Variants in DRC9 observed in about 807,000 individuals in gnomAD.
DRC9 encodes dynein regulatory complex subunit 9.
the DRC9 span, among the ~76,000 whole-genome samples, chr3:197,941,124 G>GTCTT: frequency 6.0e-5 from 9 of 151,054 alleles, no homozygotes; most frequent in Middle Eastern, 3.4e-3. Context: ...CCATTTGTTT[G>GTCTT]TCCTTCCTTC....
chr3:197,914,000 C>T, the DRC9 span: 4 of 1,614,162 alleles, frequency 2.5e-6, no homozygotes, highest in Admixed American at 6.7e-5. Flanking sequence ...GCCTTCATCT[C>T]TTGCAGTTGG....
At chr3:197,945,127 G>T in the DRC9 span, among the ~76,000 whole-genome samples, 4 of 152,158 alleles carry the variant, frequency 2.6e-5, no homozygotes, top group Non-Finnish European at 5.9e-5. Context: ...TAACCAGAAG[G>T]TTACGGTGGG....
At chr3:197,941,301 TCC>T in the DRC9 span, among the ~76,000 whole-genome samples, 1 of 99,908 alleles carries the variant, frequency 1.0e-5, no homozygotes, top group African/African-American at 5.1e-5. Context: ...TTTCTTTTCC[TCC>T]CTCCTTCCCT....
the DRC9 span, among the ~76,000 whole-genome samples, chr3:197,895,530 T>G: frequency 2.6e-5 from 4 of 152,196 alleles, no homozygotes; most frequent in African/African-American, 9.6e-5. Context: ...CCTCCCAAAT[T>G]GCTGGGATTA....
the DRC9 span, among the ~76,000 whole-genome samples, chr3:197,900,219 C>T: frequency 1.3e-5 from 2 of 152,206 alleles, no homozygotes; most frequent in South Asian, 2.1e-4. This position sits in a 1 kb window ranked among gnomAD's most constrained non-coding sequence, Gnocchi z 4.7. Context: ...CCCTCTACAA[C>T]CCTTACGCAA....
chr3:197,960,171 C>T, the DRC9 span: 1 of 1,504,960 alleles, frequency 6.6e-7, no homozygotes, highest in Non-Finnish European at 9.0e-7. Context: ...TCCGTCTACC[C>T]CCAGCGGCGA....
At chr3:197,895,997 A>C in the DRC9 span, among the ~76,000 whole-genome samples, 100 of 142,106 alleles carry the variant, frequency 7.0e-4, 3 homozygotes, top group East Asian at 0.013. Flanking sequence ...AAAAAAATTA[A>C]GTAATTACTG....
the DRC9 span, among the ~76,000 whole-genome samples, chr3:197,892,365 C>A: frequency 6.6e-6 from 1 of 152,212 alleles, no homozygotes; most frequent in Non-Finnish European, 1.5e-5. Context: ...GTAGGCACTA[C>A]GTAAGTTAGC....
the DRC9 span, chr3:197,960,092 ATCT>A: frequency 5.3e-6 from 4 of 759,516 alleles, no homozygotes; most frequent in African/African-American, 3.5e-5. Flanking sequence ...CGCCGCCCTC[ATCT>A]TCTGCGGCGA....
At chr3:197,913,037 A>C in the DRC9 span, 3,204 of 350,896 alleles carry the variant, frequency 9.1e-3, 97 homozygotes, top group African/African-American at 0.062. Flanking sequence ...TGTGGGGCTT[A>C]AAAAGGGGGA....
the DRC9 span, among the ~76,000 whole-genome samples, chr3:197,897,086 A>G: frequency 6.6e-6 from 1 of 152,218 alleles, no homozygotes; most frequent in Non-Finnish European, 1.5e-5. Flanking sequence ...ATCTTTTTAA[A>G]AAGTTAATGA....
At chr3:197,901,332 T>C in the DRC9 span, among the ~76,000 whole-genome samples, 2 of 152,160 alleles carry the variant, frequency 1.3e-5, no homozygotes, top group Non-Finnish European at 2.9e-5. The surrounding 1 kb of genome is among the most constrained non-coding windows in gnomAD (Gnocchi z 4.4). Flanking sequence ...GAGACCAGGT[T>C]TCACCATGTT....
chr3:197,894,577 G>C, the DRC9 span: 2 of 152,152 alleles, frequency 1.3e-5, no homozygotes, highest in Non-Finnish European at 2.9e-5. Context: ...TCCTGCGCAA[G>C]AGTGACACAC....
the DRC9 span, chr3:197,889,454 C>G: frequency 9.1e-7 from 1 of 1,099,784 alleles, no homozygotes; most frequent in Non-Finnish European, 1.3e-6. Flanking sequence ...ATCAGGCTTC[C>G]CTGGGAAAGT....
the DRC9 span, chr3:197,892,506 G>A: frequency 8.1e-7 from 1 of 1,232,834 alleles, no homozygotes; most frequent in Non-Finnish European, 1.1e-6. Flanking sequence ...CTTCCTCGGT[G>A]AGCACCCTGA....
At chr3:197,891,864 A>G in the DRC9 span, among the ~76,000 whole-genome samples, 2 of 152,150 alleles carry the variant, frequency 1.3e-5, no homozygotes, top group Non-Finnish European at 2.9e-5. Flanking sequence ...ATGTACATAC[A>G]CAAGTAGTCA....
At chr3:197,946,242 T>C in the DRC9 span, among the ~76,000 whole-genome samples, 15 of 152,090 alleles carry the variant, frequency 9.9e-5, no homozygotes, top group Admixed American at 3.9e-4. Flanking sequence ...GAGACCATCC[T>C]GGCTAACACG....
chr3:197,889,581 C>G, the DRC9 span: 7 of 1,614,174 alleles, frequency 4.3e-6, no homozygotes, highest in Non-Finnish European at 5.9e-6. Flanking sequence ...AGAACTTGGT[C>G]ACTTCTTCTT....
chr3:197,892,889 C>CT, the DRC9 span: 1 of 1,174,036 alleles, frequency 8.5e-7, no homozygotes, highest in South Asian at 1.4e-5. Context: ...ACAGTAGTTA[C>CT]TTACCTGGGT....
Sources: gnomAD v4.1 joint callset for allele counts (sites outside exome capture counted in the v4.1 genomes callset) on GRCh38, gnomAD v4.1.1 for gene constraint, Gnocchi (gnomAD v3.1) non-coding constraint, MANE v1.5 for transcripts, NCBI Gene and HGNC (gene_info 2026-07-23, HGNC 2026-07-21) for gene names.